Variants in ABTB3 observed in about 807,000 individuals in gnomAD.
The protein encoded by ABTB3 is ankyrin repeat and BTB domain containing 3.
chr12:107,605,511 G>A, the ABTB3 span, among the ~76,000 whole-genome samples: 1 of 152,192 alleles, frequency 6.6e-6, no homozygotes, highest in Non-Finnish European at 1.5e-5. Context: ...GCCTCTTGAA[G>A]GGTCAGAAGA....
At chr12:107,623,530 C>T in the ABTB3 span, among the ~76,000 whole-genome samples, 2 of 151,986 alleles carry the variant, frequency 1.3e-5, no homozygotes, top group South Asian at 4.1e-4. Flanking sequence ...CCATGCCTGG[C>T]TAATTTTTAT....
chr12:107,550,698 G>A, the ABTB3 span, among the ~76,000 whole-genome samples: 1 of 150,430 alleles, frequency 6.6e-6, no homozygotes, highest in Admixed American at 6.6e-5. Context: ...CTCCCGCCTC[G>A]GCTTCCCAAA....
the ABTB3 span, chr12:107,640,483 T>G: frequency 9.9e-7 from 1 of 1,005,964 alleles, no homozygotes; most frequent in Non-Finnish European, 1.5e-6. Flanking sequence ...TTTTTGAAGT[T>G]CAATTTTGGT....
chr12:107,435,705 G>A, the ABTB3 span, among the ~76,000 whole-genome samples: 1 of 152,198 alleles, frequency 6.6e-6, no homozygotes, highest in African/African-American at 2.4e-5. Flanking sequence ...CATTTGGCAT[G>A]TTTCCAACTT....
chr12:107,628,788 C>T, the ABTB3 span, among the ~76,000 whole-genome samples: 1 of 152,118 alleles, frequency 6.6e-6, no homozygotes, highest in Admixed American at 6.5e-5. Context: ...GCAACCTCAT[C>T]AAGCAAGTAT....
At chr12:107,576,457 T>G in the ABTB3 span, among the ~76,000 whole-genome samples, 1 of 152,244 alleles carries the variant, frequency 6.6e-6, no homozygotes. Context: ...TGCCCCACTG[T>G]GCACACACAA....
At chr12:107,581,350 G>A in the ABTB3 span, 6 of 1,281,568 alleles carry the variant, frequency 4.7e-6, no homozygotes, top group Non-Finnish European at 5.9e-6. Flanking sequence ...GGAGGGCTCC[G>A]GCCTCGCAGC....
the ABTB3 span, among the ~76,000 whole-genome samples, chr12:107,437,347 C>T: frequency 1.3e-5 from 2 of 152,080 alleles, no homozygotes; most frequent in Non-Finnish European, 2.9e-5. Context: ...TCCATGGTCA[C>T]ACTGCCTCCT....
the ABTB3 span, chr12:107,318,691 C>A: frequency 2.1e-6 from 1 of 480,640 alleles, no homozygotes; most frequent in Non-Finnish European, 3.7e-6. Context: ...CCTTCCCGGC[C>A]TGGCTCGCTC....
the ABTB3 span, among the ~76,000 whole-genome samples, chr12:107,508,454 T>TTTTTTTTTG: frequency 8.4e-4 from 70 of 83,568 alleles, 2 homozygotes; most frequent in East Asian, 0.015. Flanking sequence ...TTTTTTTTTT[T>TTTTTTTTTG]TTTTTTTTTT....
At chr12:107,482,931 T>C in the ABTB3 span, among the ~76,000 whole-genome samples, 1 of 11,344 alleles carries the variant, frequency 8.8e-5, no homozygotes, top group Non-Finnish European at 2.0e-4. Flanking sequence ...TTTCTTTCTT[T>C]CTTTCTTTCT....
the ABTB3 span, among the ~76,000 whole-genome samples, chr12:107,490,192 C>T: frequency 5.3e-5 from 8 of 152,172 alleles, no homozygotes; most frequent in East Asian, 1.9e-4. Flanking sequence ...TTTAGTTCCA[C>T]TCCACCGCCC....
At chr12:107,347,236 CT>C in the ABTB3 span, among the ~76,000 whole-genome samples, 1 of 152,114 alleles carries the variant, frequency 6.6e-6, no homozygotes, top group South Asian at 2.1e-4. Context: ...ATTGAGCCAG[CT>C]ATGAGCCTCA....
At chr12:107,568,727 A>G in the ABTB3 span, among the ~76,000 whole-genome samples, 7 of 152,116 alleles carry the variant, frequency 4.6e-5, no homozygotes, top group African/African-American at 1.7e-4. Context: ...TCTTTATATT[A>G]ATATTTTTGT....
the ABTB3 span, among the ~76,000 whole-genome samples, chr12:107,626,341 A>ATT: frequency 2.8e-5 from 3 of 107,864 alleles, no homozygotes; most frequent in African/African-American, 3.7e-5. Flanking sequence ...TACTATCGTC[A>ATT]TCTTTTTTTT....
At chr12:107,402,727 C>A in the ABTB3 span, among the ~76,000 whole-genome samples, 4 of 152,200 alleles carry the variant, frequency 2.6e-5, no homozygotes, top group African/African-American at 9.7e-5. Flanking sequence ...TGTGGGCCTG[C>A]CAGCTCTCCT....
chr12:107,593,529 A>G, the ABTB3 span, among the ~76,000 whole-genome samples: 16,936 of 152,242 alleles, frequency 0.11, 1,067 homozygotes, highest in African/African-American at 0.15. Context: ...TTGAATCTCC[A>G]GCACCGAGCC....
the ABTB3 span, among the ~76,000 whole-genome samples, chr12:107,436,281 C>T: frequency 4.8e-3 from 732 of 152,348 alleles, 7 homozygotes; most frequent in Non-Finnish European, 6.2e-3. Flanking sequence ...GACCCGCCAT[C>T]CCGGTCGCAT....
At chr12:107,580,656 C>A in the ABTB3 span, 1 of 482,962 alleles carries the variant, frequency 2.1e-6, no homozygotes, top group Non-Finnish European at 3.5e-6. Context: ...CCTGAAAGAG[C>A]TCCAGAAAGA....
Sources: gnomAD v4.1 joint callset for allele counts (sites outside exome capture counted in the v4.1 genomes callset) on GRCh38, gnomAD v4.1.1 for gene constraint, MANE v1.5 for transcripts, NCBI Gene and HGNC (gene_info 2026-07-23, HGNC 2026-07-21) for gene names.